The following LRRC27 variants were observed in gnomAD, a reference collection of about 807,000 sequenced individuals.
LRRC27 encodes leucine-rich repeat-containing protein 27.
A neutral mutation model predicts 55.0 loss-of-function variants in LRRC27; 57 were observed. The ratio of observed to expected loss-of-function variants is 1.04; its 90% CI spans 0.84 to 1.29. The LOEUF is 1.29. Among genes scored for constraint, LRRC27 ranks in the 50% most tolerant of loss-of-function variants. The probability of loss-of-function intolerance (pLI) is 0.00; values close to 1 mark genes in which losing one functional copy is unlikely to be tolerated. For synonymous variants in LRRC27, 278 were observed against 251.9 expected (o/e 1.10, Z -0.98); for missense variants, 721 against 651.5 (o/e 1.11, Z -1.16).
intron 8 of LRRC27, among the ~76,000 whole-genome samples, chr10:132,361,180 G>T (rs557068220): frequency 6.6e-6 from 1 of 152,282 alleles, no homozygotes; most frequent in South Asian, 2.1e-4. Flanking sequence ...AGCCTTCCGA[G>T]CTACCCCAGG....
At chr10:132,361,600 G>GTCCT in intron 9 of LRRC27, 25 bp downstream of exon 9, 1 of 1,540,508 alleles carries the variant, frequency 6.5e-7, no homozygotes, top group East Asian at 2.2e-5. Context: ...CTGGCACTCA[G>GTCCT]TCCTTCCAGG....
rs548172727 is a variant in LRRC27, at chr10:132,372,120, G to A, written c.1417-2946G>A. ...CAAAGAAGGATGGGAAGTGGGGGTC[G>A]GGGTGCGGTGGCTCACGCCTGCAAT... On this transcript the variant is annotated intron_variant, in intron 10 of 10. Transcript: ENST00000368614. The surrounding 1 kb of genome is among the most constrained non-coding windows in gnomAD (Gnocchi z 4.0). Among the ~76,000 whole-genome samples the A allele has an allele frequency of 1.3e-5, 2 of 152,278 alleles. No homozygotes were observed. Among genetic ancestry groups the A allele is most frequent in the South Asian group, 2.1e-4 (1 of 4,814 alleles).
rs1008135448 is a variant in LRRC27 at position 132,346,419 on chromosome 10, G to A, written c.554-1565G>A. On this transcript the variant is annotated intron_variant, in intron 5 of 10. Coordinates refer to ENST00000368614, the MANE Select transcript of LRRC27 (RefSeq NM_030626.3). ...CTGGCGGGCGTGGTGGCTCACGCCT[G>A]TGATCCCAGCACTTTGGGAGGCCGA... Among the ~76,000 whole-genome samples, 23 of 152,326 alleles carry A rather than the reference G, an allele frequency of 1.5e-4. No homozygotes were observed. The East Asian group carries it at 2.3e-3, about 15-fold the overall frequency.
chr10:132,340,764 G>A (rs1219819699), intron 3 of LRRC27, among the ~76,000 whole-genome samples: 2 of 149,282 alleles, frequency 1.3e-5, no homozygotes, highest in Non-Finnish European at 3.0e-5. Context: ...AGGAGTTCGA[G>A]ACCAGCCTGG....
At chr10:132,330,726 T>C (rs939462522), upstream of LRRC27, among the ~76,000 whole-genome samples, 1 of 147,028 alleles carries the variant, frequency 6.8e-6, no homozygotes, top group African/African-American at 2.5e-5. Flanking sequence ...CCCAGGCTGG[T>C]CTCCAACTCC....
chr10:132,360,596 C>G (rs1373130206), intron 8 of LRRC27, among the ~76,000 whole-genome samples: 1 of 152,090 alleles, frequency 6.6e-6, no homozygotes, highest in Non-Finnish European at 1.5e-5. Flanking sequence ...ATCTTTCCGC[C>G]CTTTCTGGTT....
At chr10:132,344,126 C>T (rs1451719726) in intron 4 of LRRC27, among the ~76,000 whole-genome samples, 16 of 152,316 alleles carry the variant, frequency 1.1e-4, no homozygotes, top group African/African-American at 2.2e-4. Flanking sequence ...TTGTCTGCTC[C>T]GTTCCTGAGT....
In LRRC27 at chr10:132,361,470, T is replaced by C. The variant is rs2068612230; in HGVS notation, c.1184T>C (p.Ile395Thr). ...PPRRSMVASK[I>T]PSATDLIDNR... ...GCATTTTCCTAGGTGGCATCAAAGA[T>C]TCCCTCTGCCACAGATCTGATAGAT... The change falls in exon 9 of 11, where the codon ATT (isoleucine) becomes ACT (threonine). Residue 395 changes from isoleucine to threonine, a missense_variant. By Grantham distance (89) the Ile-to-Thr change is moderately conservative. Transcript: ENST00000368614. 6.2e-7 allele frequency: 1 copy of C among 1,613,226 alleles called. No homozygotes were observed. The highest frequency in any genetic ancestry group is 8.5e-7 in the Non-Finnish European group (1 of 1,179,390).
At chr10:132,356,621 C>G (rs2068324698) in intron 8 of LRRC27, among the ~76,000 whole-genome samples, 3 of 151,028 alleles carry the variant, frequency 2.0e-5, no homozygotes, top group Non-Finnish European at 4.4e-5. Flanking sequence ...AGTACCGTCC[C>G]CCAAGATTGC....
intron 8 of LRRC27, among the ~76,000 whole-genome samples, chr10:132,360,245 G>A (rs183869930): frequency 6.6e-5 from 10 of 152,068 alleles, no homozygotes; most frequent in African/African-American, 1.2e-4. Context: ...ACAGGCATGC[G>A]CCACCACACC....
intron 2 of LRRC27, chr10:132,336,866 G>A (rs1467461858): frequency 1.4e-6 from 1 of 726,852 alleles, no homozygotes; most frequent in South Asian, 1.5e-5. Flanking sequence ...TGACAGTATT[G>A]TAAAAATTAG....
chr10:132,365,336 C>G (rs550742061), intron 9 of LRRC27, 88 bp from the exon 10 acceptor site: 1 of 1,535,610 alleles, frequency 6.5e-7, no homozygotes, highest in Non-Finnish European at 9.0e-7. Flanking sequence ...GGAAGAAAGG[C>G]ACATGCTTTC....
intron 5 of LRRC27, among the ~76,000 whole-genome samples, chr10:132,345,531 T>C (rs1282663068): frequency 6.6e-6 from 1 of 152,218 alleles, no homozygotes; most frequent in Admixed American, 6.5e-5. Flanking sequence ...AGTGGCTGCA[T>C]TGGGGCATTG....
upstream of LRRC27, chr10:132,331,537 A>C: frequency 1.2e-6 from 2 of 1,612,910 alleles, no homozygotes; most frequent in South Asian, 2.2e-5. Flanking sequence ...TCCTGAGGCA[A>C]GATTTGGGGA....
chr10:132,331,576 G>A (rs115195531), upstream of LRRC27: 23 of 1,612,816 alleles, frequency 1.4e-5, no homozygotes, highest in Non-Finnish European at 1.9e-5. Flanking sequence ...AGTGGCTCCA[G>A]GAAGCCCCAG....
At chr10:132,338,589 C>CTCA in intron 3 of LRRC27, among the ~76,000 whole-genome samples, 1 of 152,330 alleles carries the variant, frequency 6.6e-6, no homozygotes, top group African/African-American at 2.4e-5. Flanking sequence ...GGACTCTACT[C>CTCA]TCACTATGGA....
rs1037700904 is a variant in LRRC27 at position 132,337,509 on chromosome 10, T to A, written c.211-56T>A. 3 of 1,601,588 alleles carry A rather than the reference T, an allele frequency of 1.9e-6. No individual in the cohort carries two copies. The East Asian group carries it at 6.7e-5, about 36-fold the overall frequency. The stretch of plus-strand genomic sequence containing the variant: ...TTGGAAATAGATTTTGGATATATCA[T>A]GTTTTACAAATTAGTTGGTTAACAA... On this transcript the variant is annotated intron_variant, in intron 2 of 10. Transcript: ENST00000368614.
rs757818424 is a variant in LRRC27 at position 132,333,621 on chromosome 10, A to G, written c.97A>G (p.Lys33Glu). ...TAGGAGCTTGCCTGCCACCCCCTCC[A>G]AAGATGTTCACAAGGGTGTTGGAGG... The part of the protein sequence containing the change: ...QTRSLPATPS[K>E]DVHKGVGGII... Residue 33 changes from lysine to glutamate, a missense_variant, in exon 2 of 11, where the codon AAA (lysine) becomes GAA (glutamate). By Grantham distance (56) the Lys-to-Glu change is moderately conservative. Transcript: ENST00000368614. 24 of 1,613,100 alleles carry G rather than the reference A, an allele frequency of 1.5e-5. 1 individual carries two copies. The South Asian group carries it at 2.6e-4, about 18-fold the overall frequency.
chr10:132,361,333 C>G (rs2068605635), intron 8 of LRRC27, 124 bp from the exon 9 acceptor site: 1 of 786,012 alleles, frequency 1.3e-6, no homozygotes, highest in Admixed American at 1.8e-5. Context: ...GACCGTCTAC[C>G]CGGGGCGGCC....
Sources: allele counts gnomAD v4.1 joint callset (sites outside exome capture counted in the v4.1 genomes callset), GRCh38; gene constraint gnomAD v4.1.1; non-coding constraint Gnocchi (gnomAD v3.1); transcripts MANE v1.5; gene names NCBI Gene and HGNC (gene_info 2026-07-23, HGNC 2026-07-21).